The following TAP2 variants were observed in gnomAD, a reference collection of about 807,000 sequenced individuals.
TAP2 encodes antigen peptide transporter 2.
Under a neutral mutation model 74.7 loss-of-function variants are expected in TAP2, and 49 were observed. The ratio of observed to expected loss-of-function variants is 0.66; its 90% CI spans 0.52 to 0.83. The LOEUF (loss-of-function observed/expected upper bound fraction) is 0.83. Ranked by LOEUF, TAP2 falls within the 40% of genes least tolerant of loss-of-function variation. TAP2 has a pLI of 0.00. For missense variants in TAP2, 739 were observed against 859.0 expected (o/e 0.86, Z 1.75); for synonymous variants, 306 against 368.4 (o/e 0.83, Z 1.94).
At chr6:32,830,862 C>T in intron 7 of TAP2, 56 bp from the exon 8 acceptor site, 3 of 1,468,806 alleles carry the variant, frequency 2.0e-6, no homozygotes, top group South Asian at 2.4e-5. Flanking sequence ...CCAGAAACCA[C>T]CCTCCCAACT....
rs1189440370 is a variant in TAP2, at chr6:32,826,684, G to A, written c.*2222C>T. On this transcript the variant is annotated 3_prime_UTR_variant, in exon 12 of 12. Transcript: ENST00000374897. ...CTTCCTGTACTGCCCATCAAGATAA[G>A]TTTTCCACCCAGCTTTATCATGATT... The A allele has an allele frequency of 5.1e-6, 5 of 985,268 alleles. No homozygotes were observed. Among genetic ancestry groups the A allele is most frequent in the Non-Finnish European group, 6.0e-6 (5 of 829,940 alleles). The allele number at this position is 985,268 out of a possible 1,614,324, so 61.0% of individuals were successfully genotyped here.
chr6:32,827,683 G>T lies in TAP2; in HGVS notation c.*1223C>A. ...AAGGTGTTGGGGAAGGCAGAAGTTT[G>T]TCGTGGAGCTGGATACAACAGGAGA... On this transcript the variant is annotated 3_prime_UTR_variant, in exon 12 of 12. Coordinates refer to ENST00000374897, the MANE Select transcript of TAP2 (RefSeq NM_001290043.2). 2 of 930,196 alleles carry T rather than the reference G, an allele frequency of 2.2e-6. No homozygotes were observed. Among genetic ancestry groups the T allele is most frequent in the Non-Finnish European group, 1.3e-6 (1 of 780,374 alleles). 57.6% of individuals were successfully genotyped at this position (930,196 alleles called of 1,614,324 possible). A position where few individuals can be genotyped will look rare whatever the true frequency, so the allele number is the denominator to read the frequency against.
Position 32,832,482 on chromosome 6 carries a change from G to C in TAP2, c.1144-21C>G. On this transcript the variant is annotated intron_variant, in intron 6 of 11. Transcript: ENST00000374897. The surrounding 1 kb of genome is among the most constrained non-coding windows in gnomAD (Gnocchi z 5.9). ...AGCACCTGGAAGAGGAGAAGAAAGA[G>C]ATGAGGCTGGGAATCTTCCCATTCT... 1 of 1,611,800 alleles carries C rather than the reference G, an allele frequency of 6.2e-7. No homozygotes were observed. The highest frequency in any genetic ancestry group is 1.3e-5 in the African/African-American group (1 of 74,988).
chr6:32,826,691 AC>A lies in TAP2; in HGVS notation c.*2214del. On this transcript the variant is annotated 3_prime_UTR_variant, in exon 12 of 12. Coordinates refer to ENST00000374897, the MANE Select transcript of TAP2 (RefSeq NM_001290043.2). ...TACTGCCCATCAAGATAAGTTTTCC[AC>A]CCAGCTTTATCATGATTAGCTGCGT... 2 of 985,316 alleles carry A rather than the reference AC, an allele frequency of 2.0e-6. No homozygotes were observed. Among genetic ancestry groups the A allele is most frequent in the Non-Finnish European group, 2.4e-6 (2 of 829,908 alleles). The allele number at this position is 985,316 out of a possible 1,614,324, so 61.0% of individuals were successfully genotyped here. A position where few individuals can be genotyped will look rare whatever the true frequency, so the allele number is the denominator to read the frequency against.
intron 5 of TAP2, among the ~76,000 whole-genome samples, chr6:32,833,428 T>G (rs1303537830): frequency 2.6e-5 from 4 of 151,972 alleles, no homozygotes; most frequent in Non-Finnish European, 5.9e-5. Flanking sequence ...GCAAAACATA[T>G]AGTGAACTCC....
rs1769316357 is a variant in TAP2 at position 32,835,013 on chromosome 6, G to C, written c.945+141C>G. 1 of 855,534 alleles carries C rather than the reference G, an allele frequency of 1.2e-6. No homozygotes were observed. The highest frequency in any genetic ancestry group is 2.0e-5 in the Admixed American group (1 of 49,180). The allele number at this position is 855,534 out of a possible 1,614,324, so 53.0% of individuals were successfully genotyped here. A position where few individuals can be genotyped will look rare whatever the true frequency, so the allele number is the denominator to read the frequency against. ...TGGATGGCTGGACAAACAAAATGTA[G>C]TATATACTACAATATACCTTCTCCC... is the stretch of plus-strand genomic sequence containing the variant. On this transcript the variant is annotated intron_variant, in intron 5 of 11. Transcript: ENST00000374897. The surrounding 1 kb of genome is among the most constrained non-coding windows in gnomAD (Gnocchi z 4.0).
chr6:32,828,677 C>CGG lies in TAP2; in HGVS notation c.*228_*229insCC. The CGG allele has an allele frequency of 6.2e-5, 60 of 971,588 alleles. No individual in the cohort carries two copies. Among genetic ancestry groups the CGG allele is most frequent in the South Asian group, 8.0e-5 (2 of 25,006 alleles). 60.2% of individuals were successfully genotyped at this position (971,588 alleles called of 1,614,324 possible). On this transcript the variant is annotated 3_prime_UTR_variant, in exon 12 of 12. Coordinates refer to ENST00000374897, the MANE Select transcript of TAP2 (RefSeq NM_001290043.2). ...ATTAAGTTTCCTGGACACAGACAGC[C>CGG]CCCACCCCACCCCACCCCACCTCTC...
intron 3 of TAP2, 117 bp downstream of exon 3, chr6:32,837,420 T>G: frequency 1.3e-6 from 1 of 799,138 alleles, no homozygotes; most frequent in Non-Finnish European, 2.2e-6. Context: ...TTCACCATAT[T>G]TTAGTTTAAG....
At position 32,828,626 on chromosome 6, in the gene TAP2, C is replaced by A; in HGVS notation, c.*280G>T. The stretch of plus-strand genomic sequence containing the variant: ...TTATGCCACAAAATACTCCTCATCA[C>A]CAGGCAAAGCTCTAGTCACCAGGGA... On this transcript the variant is annotated 3_prime_UTR_variant, in exon 12 of 12. Transcript: ENST00000374897. The A allele has an allele frequency of 8.6e-7, 1 of 1,162,952 alleles. No homozygotes were observed. Among genetic ancestry groups the A allele is most frequent in the Non-Finnish European group, 1.1e-6 (1 of 940,266 alleles). 72.0% of individuals were successfully genotyped at this position (1,162,952 alleles called of 1,614,324 possible). A position where few individuals can be genotyped will look rare whatever the true frequency, so the allele number is the denominator to read the frequency against.
downstream of TAP2, among the ~76,000 whole-genome samples, chr6:32,824,530 T>A (rs1018203492): frequency 3.3e-5 from 5 of 152,188 alleles, no homozygotes; most frequent in Admixed American, 2.6e-4. Context: ...TTGTGATCAC[T>A]GTGCTATTTA....
chr6:32,829,039 A>G lies in TAP2; in HGVS notation c.1933-5T>C. On this transcript the variant is annotated splice_polypyrimidine_tract_variant and splice_region_variant and intron_variant, in intron 11 of 11. Coordinates refer to ENST00000374897, the MANE Select transcript of TAP2 (RefSeq NM_001290043.2). ...ACGGGAATTCCAGTCCTGCAGCTGA[A>G]GGGGTGATCACAGTGCCTCAGAAAG... The G allele has an allele frequency of 6.5e-7, 1 of 1,545,388 alleles. No homozygotes were observed.
downstream of TAP2, chr6:32,822,282 T>C (rs2857105): frequency 0.034 from 53,477 of 1,550,926 alleles, 1,122 homozygotes; most frequent in Admixed American, 0.048. Flanking sequence ...GAAATATCCA[T>C]TGAAATTCAA....
In TAP2 at chr6:32,838,083, C is replaced by T. The variant is rs1769551940; in HGVS notation, c.151G>A (p.Gly51Arg). Residue 51 changes from glycine (G) to arginine (R), a missense_variant, in exon 2 of 12, where the codon GGG (glycine) becomes AGG (arginine). Gly to Arg is a moderately radical substitution (Grantham distance 125). Transcript: ENST00000374897. ...AGCAGCCCTCTTAGCTTTAGCAGCC[C>T]CCACAGCCCTCCCAGCCGCAGGGTC... is the stretch of plus-strand genomic sequence containing the variant. ...EGTLRLGGLWGLLKLRGLLGF... is the reference protein window; with the variant it reads ...EGTLRLGGLWRLLKLRGLLGF... The T allele has an allele frequency of 6.2e-7, 1 of 1,612,238 alleles. No individual in the cohort carries two copies. Among genetic ancestry groups the T allele is most frequent in the East Asian group, 2.2e-5 (1 of 44,862 alleles).
At position 32,832,285 on chromosome 6, in the gene TAP2, A is replaced by C; in HGVS notation, c.1272+48T>G. 1 of 1,612,766 alleles carries C rather than the reference A, an allele frequency of 6.2e-7. No individual in the cohort carries two copies. On this transcript the variant is annotated intron_variant, in intron 7 of 11. Coordinates refer to ENST00000374897, the MANE Select transcript of TAP2 (RefSeq NM_001290043.2). The surrounding 1 kb of genome is among the most constrained non-coding windows in gnomAD (Gnocchi z 5.9). ...AAAGCCCAAGGCCCAGGAGTCCACA[A>C]AGAAAAAGAGAGGGAAAAAAGGAGA...
At position 32,827,448 on chromosome 6, in the gene TAP2, G is replaced by T; in HGVS notation, c.*1458C>A. ...CCAGGTGCTCATGGTCTAGTGGAAG[G>T]TCAAAAAAGGTGGGAAAGGGAAGAT... On this transcript the variant is annotated 3_prime_UTR_variant, in exon 12 of 12. Transcript: ENST00000374897. 1.6e-6 allele frequency: 1 copy of T among 643,380 alleles called. No individual in the cohort carries two copies. The allele number at this position is 643,380 out of a possible 1,614,324, so 39.9% of individuals were successfully genotyped here.
chr6:32,822,218 A>T, downstream of TAP2: 1 of 1,254,160 alleles, frequency 8.0e-7, no homozygotes, highest in Non-Finnish European at 1.1e-6. Flanking sequence ...GAAAAAATAA[A>T]TGTTGGTGAT....
chr6:32,828,549 A>G lies in TAP2; in HGVS notation c.*357T>C, dbSNP rs924070904. On this transcript the variant is annotated 3_prime_UTR_variant, in exon 12 of 12. Transcript: ENST00000374897. ...CTTTTTTATATTGTCTAAATTTTCT[A>G]TATGAATGTATACAGTTCATGTAAG... 5.1e-6 allele frequency: 5 copies of G among 983,952 alleles called. No individual in the cohort carries two copies. Among genetic ancestry groups the G allele is most frequent in the African/African-American group, 3.5e-5 (2 of 57,400 alleles). The allele number at this position is 983,952 out of a possible 1,614,324, so 61.0% of individuals were successfully genotyped here. A position where few individuals can be genotyped will look rare whatever the true frequency, so the allele number is the denominator to read the frequency against.
intron 5 of TAP2, among the ~76,000 whole-genome samples, chr6:32,833,856 A>C (rs1562332905): frequency 6.6e-6 from 1 of 152,196 alleles, no homozygotes; most frequent in Non-Finnish European, 1.5e-5. Context: ...TTCTTGTGAT[A>C]TTGAATAAGT....
At position 32,826,653 on chromosome 6, in the gene TAP2, C is replaced by T. The variant is rs1175286317; in HGVS notation, c.*2253G>A. ...AACTTTCAGGACATCTTAAGGTCTA[C>T]TGCATCTTCCTGTACTGCCCATCAA... On this transcript the variant is annotated 3_prime_UTR_variant, in exon 12 of 12. Transcript: ENST00000374897. 4.9e-5 allele frequency: 48 copies of T among 985,316 alleles called. No homozygotes were observed. The highest frequency in any genetic ancestry group is 5.5e-5 in the Non-Finnish European group (46 of 829,938). The allele number at this position is 985,316 out of a possible 1,614,324, so 61.0% of individuals were successfully genotyped here. A position where few individuals can be genotyped will look rare whatever the true frequency, so the allele number is the denominator to read the frequency against.
Sources: allele counts gnomAD v4.1 joint callset (sites outside exome capture counted in the v4.1 genomes callset), GRCh38; gene constraint gnomAD v4.1.1; non-coding constraint Gnocchi (gnomAD v3.1); transcripts MANE v1.5; gene names NCBI Gene and HGNC (gene_info 2026-07-23, HGNC 2026-07-21).